MBD1: variants seen among roughly 807,000 people sequenced by gnomAD.
MBD1 encodes methyl-CpG binding domain protein 1, also known as methyl-CpG-binding domain protein 1.
Under a neutral mutation model 82.6 loss-of-function variants are expected in MBD1, and 25 were observed. The observed-to-expected ratio is 0.30, with a 90% CI of 0.22 to 0.42. MBD1 has a LOEUF of 0.42. Among genes scored for constraint, MBD1 ranks in the 10% least tolerant of loss-of-function variants. The pLI is 1.00. For missense variants in MBD1, 627 were observed against 819.6 expected, an observed-to-expected ratio of 0.76 and a Z score of 2.87; for synonymous variants, 301 against 303.7, an observed-to-expected ratio of 0.99 and a Z score of 0.09.
chr18:50,275,449 C>T (rs912284754), intron 8 of MBD1, 151 bp downstream of exon 8: 2 of 1,599,860 alleles, frequency 1.3e-6, no homozygotes, highest in African/African-American at 2.7e-5. Context: ...AAGGTGCTGG[C>T]AGACAGAGGC....
chr18:50,269,898 G>A, intron 16 of MBD1, 80 bp from the exon 17 acceptor site: 1 of 1,094,260 alleles, frequency 9.1e-7, no homozygotes, highest in East Asian at 2.4e-5. Flanking sequence ...CATGCGGTCA[G>A]ATCCCTATAA....
At chr18:50,267,254 G>A (rs2034036096), downstream of MBD1, 1 of 269,496 alleles carries the variant, frequency 3.7e-6, no homozygotes, top group African/African-American at 2.2e-5. Context: ...ATCTTACAGG[G>A]TTGATAGAAT....
In MBD1 at chr18:50,275,849, G is replaced by A. The variant is rs867327108; in HGVS notation, c.649C>T (p.Arg217Trp). ...GCCCAACTCACCCTTTCCACAATCC[G>A]GAGGCAGCGTCTCCGTTCACACTTG... ...FCKCERRRCL[R>W]IVERSRGCGV... Residue 217 changes from arginine (R) to tryptophan (W), a missense_variant, in exon 7 of 17, where the codon CGG (arginine) becomes TGG (tryptophan). Physicochemically the swap from Arg to Trp is moderately radical, Grantham distance 101 (BLOSUM62 -3). Coordinates refer to ENST00000269468, the MANE Select transcript of MBD1 (RefSeq NM_015846.4). The A allele has an allele frequency of 1.2e-6, 2 of 1,614,184 alleles. No homozygotes were observed. Among genetic ancestry groups the A allele is most frequent in the Non-Finnish European group, 1.7e-6 (2 of 1,180,030 alleles).
At chr18:50,276,010 G>C (rs768930577) in intron 6 of MBD1, 29 bp from the exon 7 acceptor site, 8 of 1,603,288 alleles carry the variant, frequency 5.0e-6, no homozygotes, top group Non-Finnish European at 6.8e-6. Context: ...ACGAGATCAC[G>C]GGCCTGCTCC....
chr18:50,274,475 G>A, intron 10 of MBD1, 122 bp from the exon 11 acceptor site: 1 of 1,065,908 alleles, frequency 9.4e-7, no homozygotes, highest in Non-Finnish European at 1.3e-6. Flanking sequence ...TTGCATACTA[G>A]TCTCAGCCTC....
In MBD1 at chr18:50,271,714, G is replaced by A. The variant is rs144731295; in HGVS notation, c.1779-174C>T. ...ATTATAGACAGCTTGTACATAGTCAGATTATAAGCTCCCTGAAGGTAGGTA... is the reference window on the plus strand; with the variant it reads ...ATTATAGACAGCTTGTACATAGTCAAATTATAAGCTCCCTGAAGGTAGGTA... On this transcript the variant is annotated intron_variant, in intron 15 of 16. Transcript: ENST00000269468. Among the ~76,000 whole-genome samples the A allele has an allele frequency of 4.8e-3, 735 of 152,284 alleles. 8 individuals are homozygous for A. The highest frequency in any genetic ancestry group is 0.017 in the African/African-American group (698 of 41,536).
intron 2 of MBD1, among the ~76,000 whole-genome samples, chr18:50,278,939 C>T (rs2039151533): frequency 6.6e-6 from 1 of 152,132 alleles, no homozygotes; most frequent in African/African-American, 2.4e-5. Flanking sequence ...AGGTTTTTTG[C>T]CAATATTCTT....
chr18:50,281,150 C>A, intron 1 of MBD1: 1 of 1,533,346 alleles, frequency 6.5e-7, no homozygotes. Flanking sequence ...GTCCCAGGAT[C>A]CCGACACTCC....
At chr18:50,273,895 T>G in intron 11 of MBD1, 32 bp from the exon 12 acceptor site, 1 of 1,607,592 alleles carries the variant, frequency 6.2e-7, no homozygotes, top group Non-Finnish European at 8.5e-7. Context: ...TATGGCTACC[T>G]GGTGTCCTGA....
Position 50,269,598 on chromosome 18 carries a change from A to G in MBD1, c.*253T>C, listed in dbSNP as rs751198919. The G allele has an allele frequency of 3.2e-5, 23 of 718,942 alleles. No individual in the cohort carries two copies. In the South Asian group the frequency reaches 3.2e-4, roughly 10 times the overall value. The allele number at this position is 718,942 out of a possible 1,614,324, so 44.5% of individuals were successfully genotyped here. ...CCACCTTCCCCAGGATCATCCTTTC[A>G]GCTTCTCTAATTCCTGGGCCAGATG... On this transcript the variant is annotated 3_prime_UTR_variant, in exon 17 of 17. Transcript: ENST00000269468.
Position 50,275,816 on chromosome 18 carries a change from T to C in MBD1, c.663+19A>G. ...GGGGCCGAGGTGAGCCTTGGGCTCT[T>C]TCCACTTGCCCAACTCACCCTTTCC... is the stretch of plus-strand genomic sequence containing the variant. On this transcript the variant is annotated intron_variant, in intron 7 of 16. Transcript: ENST00000269468. 1 of 1,614,178 alleles carries C rather than the reference T, an allele frequency of 6.2e-7. No homozygotes were observed. Among genetic ancestry groups the C allele is most frequent in the Non-Finnish European group, 8.5e-7 (1 of 1,180,016 alleles).
At chr18:50,280,521 G>A (rs1473029034) in intron 1 of MBD1, among the ~76,000 whole-genome samples, 2 of 151,530 alleles carry the variant, frequency 1.3e-5, no homozygotes, top group South Asian at 2.1e-4. Flanking sequence ...CCCTCCTTCA[G>A]TGTTTTAACC....
chr18:50,276,898 T>C lies in MBD1; in HGVS notation c.326A>G (p.Lys109Arg). 1 of 1,614,238 alleles carries C rather than the reference T, an allele frequency of 6.2e-7. No homozygotes were observed. Residue 109 changes from lysine (K) to arginine (R), a missense_variant, in exon 4 of 17, where the codon AAG (lysine) becomes AGG (arginine). Physicochemically the swap from Lys to Arg is conservative, Grantham distance 26 (BLOSUM62 2). Coordinates refer to ENST00000269468, the MANE Select transcript of MBD1 (RefSeq NM_015846.4). ...CTTGGTCTCATCCCTCGGGGCCTCC[T>C]TCCTGACCTCACCACTCTGGGGTCC... The part of the protein sequence containing the change: ...QVGPQSGEVR[K>R]EAPRDETKAD...
chr18:50,275,992 T>C lies in MBD1; in HGVS notation c.517-11A>G, dbSNP rs548988247. 3 of 1,610,692 alleles carry C rather than the reference T, an allele frequency of 1.9e-6. No homozygotes were observed. Among genetic ancestry groups the C allele is most frequent in the African/African-American group, 1.3e-5 (1 of 75,014 alleles). The stretch of plus-strand genomic sequence containing the variant: ...CCCACAGCCCACACGCTGCCAGGAA[T>C]GGTAGGGACGAGATCACGGGCCTGC... On this transcript the variant is annotated splice_polypyrimidine_tract_variant and intron_variant, in intron 6 of 16. Transcript: ENST00000269468.
Position 50,273,784 on chromosome 18 carries a change from G to C in MBD1, c.1226C>G (p.Pro409Arg). 1 of 1,614,038 alleles carries C rather than the reference G, an allele frequency of 6.2e-7. No homozygotes were observed. ...AAGATGGTGCCGTCGGGCAGAGCTG[G>C]GCCTCTTTCGACGACGGTAAGGTGG... ...SPPPYRRRKR[P>R]SSARRHHLGP... Residue 409 changes from proline (P) to arginine (R), a missense_variant, in exon 12 of 17, where the codon CCC becomes CGC. By Grantham distance (103) the Pro-to-Arg change is moderately radical. This residue lies in a region of MBD1 where 265 missense variants were observed against 278.4 expected (regional missense o/e 0.95). Transcript: ENST00000269468.
At chr18:50,270,968 G>T in intron 16 of MBD1, 2 of 904,164 alleles carry the variant, frequency 2.2e-6, no homozygotes, top group Non-Finnish European at 2.7e-6. Context: ...CACATAAATG[G>T]ACAAAATCAA....
At chr18:50,271,437 T>C in intron 16 of MBD1, 32 bp downstream of exon 16, 1 of 1,614,078 alleles carries the variant, frequency 6.2e-7, no homozygotes, top group Non-Finnish European at 8.5e-7. Flanking sequence ...AGATCAGTGT[T>C]GTCTCTCATA....
Position 50,274,368 on chromosome 18 carries a change from A to G in MBD1, c.979-15T>C. 6.2e-7 allele frequency: 1 copy of G among 1,609,310 alleles called. No individual in the cohort carries two copies. Among genetic ancestry groups the G allele is most frequent in the Non-Finnish European group, 8.5e-7 (1 of 1,178,744 alleles). On this transcript the variant is annotated splice_polypyrimidine_tract_variant and intron_variant, in intron 10 of 16. Transcript: ENST00000269468. ...GTGTAGGGCTGCTGGGGTGGGGGGA[A>G]TGGGTGGTGCTGTCAACTAGGACTA...
downstream of MBD1, among the ~76,000 whole-genome samples, chr18:50,268,640 G>A (rs928663911): frequency 5.3e-5 from 8 of 152,264 alleles, no homozygotes; most frequent in African/African-American, 1.9e-4. Context: ...CCACCAGCAG[G>A]TTGAAGGTGT....
Sources: gnomAD v4.1 joint callset for allele counts (sites outside exome capture counted in the v4.1 genomes callset) on GRCh38, gnomAD v4.1.1 for gene constraint, gnomAD v4.1.1 regional missense constraint, MANE v1.5 for transcripts, NCBI Gene and HGNC (gene_info 2026-07-23, HGNC 2026-07-21) for gene names.